Variants in SLCO1C1 observed in about 807,000 individuals in gnomAD.
The protein encoded by SLCO1C1 is solute carrier organic anion transporter family member 1C1.
Under a neutral mutation model 76.4 loss-of-function variants are expected in SLCO1C1, and 70 were observed. That is an observed-to-expected ratio of 0.92 (90% CI 0.76 to 1.12). The LOEUF (loss-of-function observed/expected upper bound fraction) is 1.12, where lower values mean the gene tolerates loss of function less well. Among genes scored for constraint, SLCO1C1 ranks in the 50% most tolerant of loss-of-function variants. The pLI is 0.00. For missense variants in SLCO1C1, 912 were observed against 823.8 expected (o/e 1.11, Z -1.31); for synonymous variants, 306 against 286.1 (o/e 1.07, Z -0.70).
intron 5 of SLCO1C1, among the ~76,000 whole-genome samples, chr12:20,714,371 A>C (rs143120301): frequency 5.9e-4 from 90 of 152,280 alleles, no homozygotes; most frequent in African/African-American, 2.1e-3. Flanking sequence ...AAAGCACCTA[A>C]ACCTTCAAAG....
chr12:20,732,883 A>T lies in SLCO1C1; in HGVS notation c.1187-26A>T. The stretch of plus-strand genomic sequence containing the variant: ...TCAAATCTTTTTTAGAGATTCACAA[A>T]ATGATATATTTTTCTTGTTTCTCAG... On this transcript the variant is annotated intron_variant, in intron 9 of 14. Transcript: ENST00000266509. The T allele has an allele frequency of 2.5e-6, 4 of 1,610,908 alleles. No individual in the cohort carries two copies. The South Asian group carries it at 4.4e-5, about 18-fold the overall frequency.
chr12:20,735,296 T>C (rs1421570356), intron 10 of SLCO1C1, among the ~76,000 whole-genome samples: 1 of 152,138 alleles, frequency 6.6e-6, no homozygotes, highest in African/African-American at 2.4e-5. Flanking sequence ...GATGTGGACA[T>C]AAGAATTTAC....
intron 11 of SLCO1C1, among the ~76,000 whole-genome samples, chr12:20,739,317 C>A (rs968041828): frequency 1.3e-5 from 2 of 151,452 alleles, no homozygotes; most frequent in Non-Finnish European, 2.9e-5. Flanking sequence ...TACAGGATAT[C>A]CTGATAGGTA....
chr12:20,738,317 C>A (rs914907335), intron 11 of SLCO1C1, among the ~76,000 whole-genome samples: 1 of 152,136 alleles, frequency 6.6e-6, no homozygotes, highest in African/African-American at 2.4e-5. Flanking sequence ...CAGACTCTTC[C>A]TTATCCTTGC....
chr12:20,710,224 T>C (rs1372932595), intron 4 of SLCO1C1, among the ~76,000 whole-genome samples: 2 of 141,200 alleles, frequency 1.4e-5, no homozygotes, highest in African/African-American at 5.3e-5. Context: ...TTTTTTTTTT[T>C]TGAGATGGAG....
At chr12:20,732,209 G>A (rs1343357401) in intron 9 of SLCO1C1, among the ~76,000 whole-genome samples, 1 of 152,148 alleles carries the variant, frequency 6.6e-6, no homozygotes, top group Non-Finnish European at 1.5e-5. Context: ...TGAAGGAGAG[G>A]CAACATAGCA....
intron 10 of SLCO1C1, among the ~76,000 whole-genome samples, chr12:20,734,395 G>T (rs2120838064): frequency 6.6e-6 from 1 of 152,306 alleles, no homozygotes; most frequent in Non-Finnish European, 1.5e-5. Context: ...TTGTAACAAT[G>T]AAATGGAAGA....
chr12:20,725,219 T>C (rs1288153067), intron 9 of SLCO1C1, among the ~76,000 whole-genome samples: 2 of 137,488 alleles, frequency 1.5e-5, no homozygotes, highest in Non-Finnish European at 3.0e-5. Context: ...TAAATAATTA[T>C]AGTTAAAGAA....
At chr12:20,706,927 A>C (rs1342829205) in intron 4 of SLCO1C1, among the ~76,000 whole-genome samples, 1 of 152,188 alleles carries the variant, frequency 6.6e-6, no homozygotes, top group African/African-American at 2.4e-5. Flanking sequence ...TTATATTTCA[A>C]GTGATACTTT....
intron 7 of SLCO1C1, among the ~76,000 whole-genome samples, chr12:20,721,419 C>T (rs749173200): frequency 4.7e-4 from 72 of 152,176 alleles, no homozygotes; most frequent in Non-Finnish European, 4.7e-4. Flanking sequence ...GATCACTATT[C>T]ACTGAAGGCT....
chr12:20,747,698 G>C (rs568973249), intron 13 of SLCO1C1, among the ~76,000 whole-genome samples: 1 of 152,048 alleles, frequency 6.6e-6, no homozygotes, highest in Non-Finnish European at 1.5e-5. Flanking sequence ...ATATTTGTTT[G>C]GTTTTTGAGG....
chr12:20,716,120 G>A (rs1013900245), intron 6 of SLCO1C1, among the ~76,000 whole-genome samples: 1 of 152,162 alleles, frequency 6.6e-6, no homozygotes, highest in Non-Finnish European at 1.5e-5. Flanking sequence ...GCTACAGCTA[G>A]GTCCACTGTA....
chr12:20,742,337 T>TC (rs906049898), intron 12 of SLCO1C1, among the ~76,000 whole-genome samples: 8 of 151,674 alleles, frequency 5.3e-5, no homozygotes, highest in Non-Finnish European at 1.2e-4. Flanking sequence ...AGTCATGTTT[T>TC]TTTTTTTTTG....
chr12:20,751,683 C>G (rs1395259413), intron 14 of SLCO1C1, among the ~76,000 whole-genome samples: 1 of 151,732 alleles, frequency 6.6e-6, no homozygotes, highest in African/African-American at 2.4e-5. Flanking sequence ...CAATGCAACT[C>G]AATCAGAGAT....
At chr12:20,750,962 G>T in intron 14 of SLCO1C1, 170 bp downstream of exon 14, 1 of 1,321,946 alleles carries the variant, frequency 7.6e-7, no homozygotes, top group African/African-American at 1.5e-5. Flanking sequence ...TATTTGATTA[G>T]ATCTTTGATT....
At chr12:20,740,423 C>G in intron 12 of SLCO1C1, 55 bp downstream of exon 12, 1 of 1,476,240 alleles carries the variant, frequency 6.8e-7, no homozygotes, top group African/African-American at 1.4e-5. Context: ...TCATCTCGAG[C>G]AATGATTTAA....
intron 10 of SLCO1C1, among the ~76,000 whole-genome samples, chr12:20,734,470 G>A (rs998492242): frequency 6.6e-6 from 1 of 152,106 alleles, no homozygotes; most frequent in African/African-American, 2.4e-5. Context: ...CACGGTAGAG[G>A]GACAGTTGTA....
chr12:20,697,899 T>C (rs754199312), intron 1 of SLCO1C1, among the ~76,000 whole-genome samples: 2 of 152,080 alleles, frequency 1.3e-5, no homozygotes, highest in Non-Finnish European at 2.9e-5. Context: ...ATGGAGACAA[T>C]GATTATCTGT....
intron 5 of SLCO1C1, among the ~76,000 whole-genome samples, chr12:20,712,921 T>TGG (rs1199888045): frequency 6.6e-6 from 1 of 152,154 alleles, no homozygotes; most frequent in Non-Finnish European, 1.5e-5. Flanking sequence ...ATAGATATGT[T>TGG]CAGGAGGATG....
Sources: allele counts gnomAD v4.1 joint callset (sites outside exome capture counted in the v4.1 genomes callset), GRCh38; gene constraint gnomAD v4.1.1; transcripts MANE v1.5; gene names NCBI Gene and HGNC (gene_info 2026-07-23, HGNC 2026-07-21).